Variants in IPO11 observed in about 807,000 individuals in gnomAD.
The protein encoded by IPO11 is importin-11.
In IPO11, 66 loss-of-function variants were observed where a neutral mutation model predicts 143.2. That is an observed-to-expected ratio of 0.46 (90% CI 0.38 to 0.57). The LOEUF is 0.57. Ranked by LOEUF, IPO11 falls within the 20% of genes least tolerant of loss-of-function variation. IPO11 has a pLI of 0.00. For synonymous variants in IPO11, 385 were observed against 377.8 expected (o/e 1.02, Z -0.22); for missense variants, 1,026 against 1,141.0 (o/e 0.90, Z 1.45).
chr5:62,621,110 AAG>A (rs1746349260), intron 29 of IPO11, among the ~76,000 whole-genome samples: 1 of 152,190 alleles, frequency 6.6e-6, no homozygotes. Context: ...AAAAGAGTAA[AAG>A]AGTTTGATGA....
At chr5:62,496,680 T>C (rs1180652704) in intron 16 of IPO11, among the ~76,000 whole-genome samples, 2 of 152,138 alleles carry the variant, frequency 1.3e-5, no homozygotes, top group Non-Finnish European at 2.9e-5. Flanking sequence ...TGTACAACCA[T>C]ATAGAGACAT....
intron 1 of IPO11, among the ~76,000 whole-genome samples, chr5:62,416,729 A>AT (rs1388417323): frequency 1.2e-3 from 136 of 117,608 alleles, no homozygotes; most frequent in African/African-American, 2.6e-3. Flanking sequence ...TTTTTTTTTT[A>AT]TTTTTTTTTT....
chr5:62,459,072 C>A (rs532521783), intron 5 of IPO11, among the ~76,000 whole-genome samples: 51 of 152,162 alleles, frequency 3.4e-4, no homozygotes, highest in African/African-American at 1.1e-3. Flanking sequence ...AAGGGCCCAC[C>A]CAGGGAGTAG....
At chr5:62,451,495 A>C (rs2112161169) in intron 4 of IPO11, among the ~76,000 whole-genome samples, 1 of 152,318 alleles carries the variant, frequency 6.6e-6, no homozygotes, top group East Asian at 1.9e-4. Flanking sequence ...TATATGAAGA[A>C]AACCTCGTTT....
rs34266204 is a variant in IPO11 at position 62,450,663 on chromosome 5, TA to T, written c.312+678del. Among the ~76,000 whole-genome samples the T allele has an allele frequency of 8.8e-3, 1,270 of 144,472 alleles. 15 individuals are homozygous for T. Among genetic ancestry groups the T allele is most frequent in the African/African-American group, 0.022 (875 of 39,652 alleles). The allele number at this position is 144,472 out of a possible 152,430, so 94.8% of individuals were successfully genotyped here. A position where few individuals can be genotyped will look rare whatever the true frequency, so the allele number is the denominator to read the frequency against. On this transcript the variant is annotated intron_variant, in intron 4 of 29. Transcript: ENST00000325324. Reference sequence around the variant, plus strand: ...TTTTTAGATTAACTTCCCCACCATTTAAAAAAAAAAAAAACAACTCAGAATG... The same window carrying T: ...TTTTTAGATTAACTTCCCCACCATTTAAAAAAAAAAAAACAACTCAGAATG...
intron 26 of IPO11, among the ~76,000 whole-genome samples, chr5:62,552,961 A>G (rs1200370362): frequency 1.3e-5 from 2 of 152,208 alleles, no homozygotes; most frequent in African/African-American, 4.8e-5. Context: ...CTGTATTGGG[A>G]ACATACAACA....
intron 20 of IPO11, 59 bp downstream of exon 20, chr5:62,515,560 C>A: frequency 1.8e-6 from 2 of 1,094,440 alleles, no homozygotes; most frequent in South Asian, 1.9e-5. Flanking sequence ...ATTCTTTTAA[C>A]CATTTAAAAA....
chr5:62,576,536 A>G (rs1050508267), intron 27 of IPO11, among the ~76,000 whole-genome samples: 2 of 152,206 alleles, frequency 1.3e-5, no homozygotes, highest in East Asian at 3.8e-4. Flanking sequence ...CACACCTGTA[A>G]TCCCAGCACT....
At chr5:62,503,031 G>C (rs1741401222) in intron 16 of IPO11, among the ~76,000 whole-genome samples, 1 of 151,954 alleles carries the variant, frequency 6.6e-6, no homozygotes, top group Admixed American at 6.6e-5. Flanking sequence ...CACCATGTTG[G>C]CCAGTCTGGT....
intron 29 of IPO11, among the ~76,000 whole-genome samples, chr5:62,607,016 T>C (rs1437127921): frequency 1.3e-5 from 2 of 152,208 alleles, no homozygotes; most frequent in Non-Finnish European, 2.9e-5. Flanking sequence ...TCTGTACTGC[T>C]CTTGCCAAAT....
chr5:62,418,203 T>C (rs1271923496), intron 1 of IPO11, among the ~76,000 whole-genome samples: 11 of 151,942 alleles, frequency 7.2e-5, no homozygotes, highest in South Asian at 2.1e-4. Context: ...TTCACTCTTA[T>C]TGACCAAGCT....
At chr5:62,551,504 G>GT in intron 26 of IPO11, among the ~76,000 whole-genome samples, 168 bp downstream of exon 26, 1 of 152,292 alleles carries the variant, frequency 6.6e-6, no homozygotes, top group South Asian at 2.1e-4. Context: ...AAAAGAATCT[G>GT]TAAGTGGCAC....
intron 28 of IPO11, among the ~76,000 whole-genome samples, chr5:62,592,889 T>G (rs995581811): frequency 6.6e-6 from 1 of 152,112 alleles, no homozygotes; most frequent in East Asian, 1.9e-4. Flanking sequence ...ATGGGGATTA[T>G]GGGAATTCAA....
In IPO11 at chr5:62,485,481, A is replaced by G. The variant is rs1746364445; in HGVS notation, c.1218+19A>G. ...TTTGAGGGTAAGTATTAATTGCAAG[A>G]AAAATTGATAGGGGAAAGCTTAATC... On this transcript the variant is annotated intron_variant, in intron 12 of 29. Transcript: ENST00000325324. 1 of 1,572,302 alleles carries G rather than the reference A, an allele frequency of 6.4e-7. No individual in the cohort carries two copies. Among genetic ancestry groups the G allele is most frequent in the Admixed American group, 1.7e-5 (1 of 59,796 alleles).
chr5:62,455,264 G>T (rs572656842), intron 5 of IPO11, among the ~76,000 whole-genome samples: 1 of 152,228 alleles, frequency 6.6e-6, no homozygotes, highest in Non-Finnish European at 1.5e-5. Flanking sequence ...GCTCACGCCT[G>T]TAGTCCCAGC....
intron 12 of IPO11, among the ~76,000 whole-genome samples, chr5:62,486,021 G>C (rs187132170): frequency 2.6e-3 from 315 of 121,784 alleles, no homozygotes; most frequent in African/African-American, 9.2e-3. Context: ...TCACTCTGTT[G>C]CCCAGGCTGG....
chr5:62,478,326 C>A (rs1056986069), intron 9 of IPO11, among the ~76,000 whole-genome samples: 6 of 151,996 alleles, frequency 3.9e-5, no homozygotes, highest in African/African-American at 1.4e-4. Flanking sequence ...CCACCACGCC[C>A]AGCTAAATTT....
chr5:62,569,204 T>C (rs558052662), intron 27 of IPO11, among the ~76,000 whole-genome samples: 1 of 152,266 alleles, frequency 6.6e-6, no homozygotes, highest in African/African-American at 2.4e-5. Flanking sequence ...TCCTTCTCTC[T>C]CTCCCCCAAG....
chr5:62,429,624 GTGTA>G (rs1465144820), intron 1 of IPO11, among the ~76,000 whole-genome samples: 106 of 145,748 alleles, frequency 7.3e-4, no homozygotes, highest in Middle Eastern at 6.9e-3. Context: ...GTGTGTGTGT[GTGTA>G]TGTGTTTATT....
Sources: allele counts gnomAD v4.1 joint callset (sites outside exome capture counted in the v4.1 genomes callset), GRCh38; gene constraint gnomAD v4.1.1; transcripts MANE v1.5; gene names NCBI Gene and HGNC (gene_info 2026-07-23, HGNC 2026-07-21).